Variants in RABGAP1L observed in about 807,000 individuals in gnomAD.
RABGAP1L encodes rab GTPase-activating protein 1-like.
A neutral mutation model predicts 137.7 loss-of-function variants in RABGAP1L; 63 were observed. The ratio of observed to expected loss-of-function variants is 0.46; its 90% CI spans 0.37 to 0.56. The LOEUF (loss-of-function observed/expected upper bound fraction) is 0.56, where lower values mean the gene tolerates loss of function less well. Ranked by LOEUF, RABGAP1L falls within the 20% of genes least tolerant of loss-of-function variation. The pLI, the probability that RABGAP1L is intolerant of heterozygous loss-of-function variation, is 0.00. For synonymous variants in RABGAP1L, 431 were observed against 433.7 expected, an observed-to-expected ratio of 0.99 and a Z score of 0.08; for missense variants, 1,095 against 1,244.0, an observed-to-expected ratio of 0.88 and a Z score of 1.80.
chr1:174,298,523 G>T (rs1677347082), intron 10 of RABGAP1L, among the ~76,000 whole-genome samples: 1 of 152,112 alleles, frequency 6.6e-6, no homozygotes, highest in Non-Finnish European at 1.5e-5. Context: ...TCTGCCTTTG[G>T]ATCCTTCAGA....
intron 19 of RABGAP1L, among the ~76,000 whole-genome samples, chr1:174,905,153 A>G (rs1348379885): frequency 6.6e-6 from 1 of 152,186 alleles, no homozygotes; most frequent in Non-Finnish European, 1.5e-5. Context: ...TATATCTAAT[A>G]AAAAACAAAA....
chr1:174,924,382 T>C (rs1165280198), intron 19 of RABGAP1L, among the ~76,000 whole-genome samples: 3 of 32,952 alleles, frequency 9.1e-5, no homozygotes, highest in African/African-American at 3.9e-4. Flanking sequence ...CAAGACTCTG[T>C]CTCAAAAAAA....
intron 12 of RABGAP1L, among the ~76,000 whole-genome samples, chr1:174,389,865 T>C: frequency 6.6e-6 from 1 of 152,136 alleles, no homozygotes; most frequent in East Asian, 1.9e-4. Flanking sequence ...ATTTGATTTA[T>C]GTATGACTTT....
Position 174,166,106 on chromosome 1 carries a change from A to G in RABGAP1L, c.-34+6449A>G, listed in dbSNP as rs55748218. On this transcript the variant is annotated intron_variant, in intron 1 of 25. Transcript: ENST00000681986. ...ATGATTAAAATATGATCCAGAGAGC[A>G]CATAAGTATCCTTAGAGTAGAAGCT... 5.7e-3 allele frequency among the ~76,000 whole-genome samples: 875 copies of G among 152,344 alleles called. 8 individuals carry two copies. Among genetic ancestry groups the G allele is most frequent in the African/African-American group, 0.02 (835 of 41,580 alleles).
At chr1:174,599,182 C>G (rs1260948939) in intron 13 of RABGAP1L, among the ~76,000 whole-genome samples, 1 of 152,210 alleles carries the variant, frequency 6.6e-6, no homozygotes, top group Non-Finnish European at 1.5e-5. Context: ...CAACTTAACA[C>G]TGCTTGTAAA....
At chr1:174,737,556 T>G (rs759495007) in intron 17 of RABGAP1L, among the ~76,000 whole-genome samples, 1 of 151,830 alleles carries the variant, frequency 6.6e-6, no homozygotes, top group Non-Finnish European at 1.5e-5. Flanking sequence ...CCCTCCAAAC[T>G]CTTCCAACCT....
chr1:174,779,767 A>G (rs1460361591), intron 18 of RABGAP1L, among the ~76,000 whole-genome samples: 1 of 152,186 alleles, frequency 6.6e-6, no homozygotes, highest in Non-Finnish European at 1.5e-5. Context: ...GATTATGTAT[A>G]CTGAACTCCT....
intron 13 of RABGAP1L, among the ~76,000 whole-genome samples, chr1:174,427,370 C>T (rs745526362): frequency 3.9e-5 from 6 of 152,036 alleles, no homozygotes; most frequent in Non-Finnish European, 8.8e-5. Flanking sequence ...CGGGCTTCTG[C>T]CAGTTTAGCA....
intron 18 of RABGAP1L, among the ~76,000 whole-genome samples, chr1:174,788,986 G>A (rs142544625): frequency 2.2e-4 from 34 of 152,196 alleles, no homozygotes; most frequent in African/African-American, 7.9e-4. Context: ...AGTGCTGGGG[G>A]TTCAGGTGTG....
chr1:174,293,874 AAAC>A (rs1250337866), intron 10 of RABGAP1L, among the ~76,000 whole-genome samples: 2 of 152,180 alleles, frequency 1.3e-5, no homozygotes, highest in Admixed American at 6.5e-5. Flanking sequence ...CTAAAACAGT[AAAC>A]AATATACTGG....
At chr1:174,972,091 G>T (rs1202700352) in intron 21 of RABGAP1L, among the ~76,000 whole-genome samples, 2 of 152,050 alleles carry the variant, frequency 1.3e-5, no homozygotes, top group African/African-American at 4.8e-5. Flanking sequence ...GTGATTAGAA[G>T]TGAAAAAAAG....
At chr1:174,372,456 A>G (rs1685185765) in intron 12 of RABGAP1L, among the ~76,000 whole-genome samples, 1 of 152,092 alleles carries the variant, frequency 6.6e-6, no homozygotes, top group Non-Finnish European at 1.5e-5. Context: ...AGAGGGTACA[A>G]TAATCGTAGG....
At chr1:174,868,394 A>G (rs1651652928) in intron 19 of RABGAP1L, among the ~76,000 whole-genome samples, 1 of 152,186 alleles carries the variant, frequency 6.6e-6, no homozygotes, top group African/African-American at 2.4e-5. Context: ...GGTTTTAAAT[A>G]TGTGTTATTT....
intron 13 of RABGAP1L, among the ~76,000 whole-genome samples, chr1:174,478,439 TA>T (rs199629801): frequency 6.6e-6 from 1 of 150,846 alleles, no homozygotes; most frequent in Non-Finnish European, 1.5e-5. Context: ...CCTGGCTAAT[TA>T]AAAAAAAAAT....
intron 13 of RABGAP1L, among the ~76,000 whole-genome samples, chr1:174,552,048 C>T (rs567749787): frequency 9.2e-5 from 14 of 152,202 alleles, no homozygotes; most frequent in South Asian, 8.3e-4. Context: ...AAGAAATCAC[C>T]GTGTCAAGAT....
chr1:174,187,394 G>C (rs941129011), intron 1 of RABGAP1L, among the ~76,000 whole-genome samples: 6 of 152,088 alleles, frequency 3.9e-5, no homozygotes, highest in African/African-American at 1.4e-4. Flanking sequence ...CCTTTGGTTA[G>C]AGCAGTGTCT....
chr1:174,355,218 G>A (rs1358559013), intron 11 of RABGAP1L, among the ~76,000 whole-genome samples: 1 of 152,052 alleles, frequency 6.6e-6, no homozygotes, highest in Non-Finnish European at 1.5e-5. Flanking sequence ...CAACCCAAAT[G>A]TCCAACCGCT....
intron 18 of RABGAP1L, among the ~76,000 whole-genome samples, chr1:174,791,939 T>C (rs1174824685): frequency 6.6e-6 from 1 of 152,362 alleles, no homozygotes; most frequent in East Asian, 1.9e-4. Context: ...TCTTAGATTC[T>C]TTCTTACCAG....
intron 13 of RABGAP1L, among the ~76,000 whole-genome samples, chr1:174,516,969 A>AAAT (rs1458871932): frequency 1.4e-5 from 2 of 146,346 alleles, no homozygotes; most frequent in South Asian, 2.1e-4. Flanking sequence ...ATAAATAAAT[A>AAAT]AAATAAATTA....
Sources: gnomAD v4.1 joint callset for allele counts (sites outside exome capture counted in the v4.1 genomes callset) on GRCh38, gnomAD v4.1.1 for gene constraint, MANE v1.5 for transcripts, NCBI Gene and HGNC (gene_info 2026-07-23, HGNC 2026-07-21) for gene names.